Variants in KLHDC7A observed in about 807,000 individuals in gnomAD.
KLHDC7A encodes kelch domain-containing protein 7A.
For synonymous variants in KLHDC7A, 464 were observed against 461.0 expected, an observed-to-expected ratio of 1.01 and a Z score of -0.08; for missense variants, 1,123 against 1,052.6, an observed-to-expected ratio of 1.07 and a Z score of -0.93.
rs1479916360 is a variant in KLHDC7A at position 18,485,502 on chromosome 1, T to A, written c.*2187T>A. On this transcript the variant is annotated 3_prime_UTR_variant, in exon 1 of 1. Coordinates refer to ENST00000400664, the MANE Select transcript of KLHDC7A (RefSeq NM_152375.3). ...CAGTCCATCTGATCCACCTCTCTTA[T>A]GGTTCCATTGGCAAAATCATTCATC... The A allele has an allele frequency of 3.1e-5, 5 of 163,828 alleles. No homozygotes were observed. Among genetic ancestry groups the A allele is most frequent in the African/African-American group, 1.2e-4 (5 of 40,546 alleles). 10.1% of individuals were successfully genotyped at this position (163,828 alleles called of 1,614,324 possible).
rs1325393366 is a variant in KLHDC7A at position 18,483,774 on chromosome 1, C to G, written c.*459C>G. ...CCTAAACATCAGCCACTGGGCCCCA[C>G]CTCCACAGTTCCCAGAAGCACCGGG... On this transcript the variant is annotated 3_prime_UTR_variant, in exon 1 of 1. Coordinates refer to ENST00000400664, the MANE Select transcript of KLHDC7A (RefSeq NM_152375.3). 1 of 1,205,870 alleles carries G rather than the reference C, an allele frequency of 8.3e-7. No homozygotes were observed. Among genetic ancestry groups the G allele is most frequent in the Non-Finnish European group, 1.1e-6 (1 of 944,682 alleles). The allele number at this position is 1,205,870 out of a possible 1,614,324, so 74.7% of individuals were successfully genotyped here. A position where few individuals can be genotyped will look rare whatever the true frequency, so the allele number is the denominator to read the frequency against.
At position 18,482,056 on chromosome 1, in the gene KLHDC7A, GGCT is replaced by G. The variant is rs763397196; in HGVS notation, c.1076_1078del (p.Gly359_Phe360delinsVal). The G allele has an allele frequency of 3.7e-6, 6 of 1,612,616 alleles. No individual in the cohort carries two copies. Among genetic ancestry groups the G allele is most frequent in the Non-Finnish European group, 8.5e-7 (1 of 1,179,850 alleles). Reference sequence around the variant, plus strand: ...GACAGGGCCGTGGCCCTCCACCCGAGGCTTCAGCCGGAAGGAGAGCCTTCTGCA... The same window carrying G: ...GACAGGGCCGTGGCCCTCCACCCGAGTCAGCCGGAAGGAGAGCCTTCTGCA... On this transcript the variant is annotated inframe_deletion, in exon 1 of 1. Transcript: ENST00000400664.
At position 18,482,915 on chromosome 1, in the gene KLHDC7A, T is replaced by C; in HGVS notation, c.1934T>C (p.Phe645Ser). ...EIFVTGGSLR[F>S]LLFRFSAQEQ... ...TTCGTCACCGGCGGCTCGCTGCGCT[T>C]CCTGCTGTTCCGCTTCTCTGCGCAG... is the stretch of plus-strand genomic sequence containing the variant. Residue 645 changes from phenylalanine (F) to serine (S), a missense_variant, in exon 1 of 1, where the codon TTC (phenylalanine) becomes TCC (serine). By Grantham distance (155) the Phe-to-Ser change is radical (BLOSUM62 -2). Coordinates refer to ENST00000400664, the MANE Select transcript of KLHDC7A (RefSeq NM_152375.3). The C allele has an allele frequency of 6.2e-7, 1 of 1,610,710 alleles. No individual in the cohort carries two copies. The highest frequency in any genetic ancestry group is 8.5e-7 in the Non-Finnish European group (1 of 1,179,364).
Position 18,481,237 on chromosome 1 carries a change from A to C in KLHDC7A, c.256A>C (p.Ser86Arg). Reference protein sequence around the residue: ...LLRGPRRRRSSKRAEAPQGCS... With the variant: ...LLRGPRRRRSRKRAEAPQGCS... Reference sequence around the variant, plus strand: ...GAGGGGGCCAAGACGTCGGAGGAGCAGCAAGCGGGCTGAAGCACCACAGGG... The same window carrying C: ...GAGGGGGCCAAGACGTCGGAGGAGCCGCAAGCGGGCTGAAGCACCACAGGG... Residue 86 changes from serine (S) to arginine (R), a missense_variant, in exon 1 of 1, where the codon AGC (serine) becomes CGC (arginine). Ser to Arg is a moderately radical substitution (Grantham distance 110). Coordinates refer to ENST00000400664, the MANE Select transcript of KLHDC7A (RefSeq NM_152375.3). The C allele has an allele frequency of 1.3e-6, 2 of 1,585,730 alleles. No individual in the cohort carries two copies. Among genetic ancestry groups the C allele is most frequent in the Non-Finnish European group, 1.7e-6 (2 of 1,165,652 alleles).
In KLHDC7A at chr1:18,482,010, C is replaced by G; in HGVS notation, c.1029C>G (p.Ala343=). 6.2e-7 allele frequency: 1 copy of G among 1,612,824 alleles called. No individual in the cohort carries two copies. Among genetic ancestry groups the G allele is most frequent in the Non-Finnish European group, 8.5e-7 (1 of 1,179,940 alleles). The change falls in exon 1 of 1, where the codon GCC becomes GCG. Residue 343 remains alanine, a synonymous_variant. Coordinates refer to ENST00000400664, the MANE Select transcript of KLHDC7A (RefSeq NM_152375.3). ...AAGCCGGTGACACAAAGGGTGCAGC[C>G]GAAAGAGCCGCCTCCCCGCAGACAG... ...GGQAGDTKGA[A]ERAASPQTGP... is the part of the protein sequence containing the mutation.
rs1490435844 is a variant in KLHDC7A at position 18,481,782 on chromosome 1, C to T, written c.801C>T (p.Arg267=). Residue 267 remains arginine, a synonymous_variant, in exon 1 of 1, where the codon CGC becomes CGT. Transcript: ENST00000400664. ...NSSYTFSSIA[R]VRMEEHFIQK... ...CCTATACCTTCTCATCCATAGCCCG[C>T]GTCCGAATGGAGGAGCATTTCATAC... The T allele has an allele frequency of 1.2e-6, 2 of 1,613,992 alleles. No homozygotes were observed. Among genetic ancestry groups the T allele is most frequent in the South Asian group, 2.2e-5 (2 of 91,090 alleles).
chr1:18,482,827 C>T lies in KLHDC7A; in HGVS notation c.1846C>T (p.Pro616Ser). 6.2e-7 allele frequency: 1 copy of T among 1,610,828 alleles called. No individual in the cohort carries two copies. Among genetic ancestry groups the T allele is most frequent in the Non-Finnish European group, 8.5e-7 (1 of 1,179,034 alleles). The change falls in exon 1 of 1, where the codon CCG (proline) becomes TCG (serine). Residue 616 changes from proline to serine, a missense_variant. Pro to Ser is a moderately conservative substitution (Grantham distance 74). Transcript: ENST00000400664. Reference sequence around the variant, plus strand: ...CCGCCTGGACCGCTGGGACTTTGCCCCGCCGCTCCCCAGTGACACGTTCGC... The same window carrying T: ...CCGCCTGGACCGCTGGGACTTTGCCTCGCCGCTCCCCAGTGACACGTTCGC... ...DPRLDRWDFA[P>S]PLPSDTFALA... is the part of the protein sequence containing the mutation.
rs1281026974 is a variant in KLHDC7A, at chr1:18,482,714, C to T, written c.1733C>T (p.Ala578Val). The T allele has an allele frequency of 6.2e-7, 1 of 1,610,014 alleles. No individual in the cohort carries two copies. Among genetic ancestry groups the T allele is most frequent in the South Asian group, 1.1e-5 (1 of 90,812 alleles). The stretch of plus-strand genomic sequence containing the variant: ...AGCGAGGTGTGCCCGCTGAACCAGG[C>T]CCGGCCGCACTGCCGGCTGGTGGCC... Reference protein sequence around the residue: ...IWSEVCPLNQARPHCRLVALD... With the variant: ...IWSEVCPLNQVRPHCRLVALD... The change falls in exon 1 of 1, where the codon GCC (alanine) becomes GTC (valine). Residue 578 changes from alanine (A) to valine (V), a missense_variant. Ala to Val is a moderately conservative substitution (Grantham distance 64, BLOSUM62 0). Transcript: ENST00000400664.
rs570261948 is a variant in KLHDC7A, at chr1:18,482,025, C to A, written c.1044C>A (p.Ser348=). The change falls in exon 1 of 1, where the codon TCC becomes TCA. Residue 348 remains serine, a synonymous_variant. Transcript: ENST00000400664. The part of the protein sequence containing the change: ...DTKGAAERAA[S]PQTGPWPSTR... ...AGGGTGCAGCCGAAAGAGCCGCCTC[C>A]CCGCAGACAGGGCCGTGGCCCTCCA... 3.7e-6 allele frequency: 6 copies of A among 1,612,756 alleles called. No homozygotes were observed. The African/African-American group carries it at 8.0e-5, about 21-fold the overall frequency.
Position 18,483,311 on chromosome 1 carries a change from T to C in KLHDC7A, c.2330T>C (p.Val777Ala). The change falls in exon 1 of 1, where the codon GTC becomes GCC. Residue 777 changes from valine to alanine, a missense_variant. Val to Ala is a moderately conservative substitution (Grantham distance 64, BLOSUM62 0). Coordinates refer to ENST00000400664, the MANE Select transcript of KLHDC7A (RefSeq NM_152375.3). Reference sequence around the variant, plus strand: ...ACCCCCGATTTGCCTCAGACCAGGGTCTAGCAGTCCCTCAACTGAGCTCCT... The same window carrying C: ...ACCCCCGATTTGCCTCAGACCAGGGCCTAGCAGTCCCTCAACTGAGCTCCT... ...LPTPDLPQTR[V>A] is the part of the protein sequence containing the mutation. The C allele has an allele frequency of 6.2e-7, 1 of 1,611,222 alleles. No individual in the cohort carries two copies. The highest frequency in any genetic ancestry group is 1.7e-4 in the Middle Eastern group (1 of 6,048).
At position 18,481,620 on chromosome 1, in the gene KLHDC7A, G is replaced by A; in HGVS notation, c.639G>A (p.Leu213=). ...CCCACTGTCACTACGTGGCTCCCTT[G>A]CAAGGCAGCAGTGACATGAACCAGA... ...EPPHCHYVAP[L]QGSSDMNQSW... The change falls in exon 1 of 1, where the codon TTG becomes TTA. Residue 213 remains leucine, a synonymous_variant. Coordinates refer to ENST00000400664, the MANE Select transcript of KLHDC7A (RefSeq NM_152375.3). 3.1e-6 allele frequency: 5 copies of A among 1,614,010 alleles called. No homozygotes were observed. The highest frequency in any genetic ancestry group is 4.2e-6 in the Non-Finnish European group (5 of 1,180,026).
chr1:18,481,740 GGGCGCCCCCAACTCC>G lies in KLHDC7A; in HGVS notation c.760_774del (p.Gly254_Ser258del), dbSNP rs1557444727. On this transcript the variant is annotated inframe_deletion, in exon 1 of 1. Coordinates refer to ENST00000400664, the MANE Select transcript of KLHDC7A (RefSeq NM_152375.3). ...TTGACCTGACCCTGCATCAGCAGGA[GGGCGCCCCCAACTCC>G]TCCTATACCTTCTCATCCATAGCCC... 6.2e-7 allele frequency: 1 copy of G among 1,614,062 alleles called. No individual in the cohort carries two copies. Among genetic ancestry groups the G allele is most frequent in the Admixed American group, 1.7e-5 (1 of 60,024 alleles).
At position 18,482,728 on chromosome 1, in the gene KLHDC7A, C is replaced by T. The variant is rs2086905363; in HGVS notation, c.1747C>T (p.Arg583Trp). Residue 583 changes from arginine (R) to tryptophan (W), a missense_variant, in exon 1 of 1, where the codon CGG becomes TGG. Arg to Trp is a moderately radical substitution (Grantham distance 101). Transcript: ENST00000400664. ...GCTGAACCAGGCCCGGCCGCACTGCCGGCTGGTGGCCCTGGACGGGCACCT... is the reference window on the plus strand; with the variant it reads ...GCTGAACCAGGCCCGGCCGCACTGCTGGCTGGTGGCCCTGGACGGGCACCT... ...CPLNQARPHCRLVALDGHLYA... is the reference protein window; with the variant it reads ...CPLNQARPHCWLVALDGHLYA... 3.1e-6 allele frequency: 5 copies of T among 1,610,308 alleles called. No individual in the cohort carries two copies. Among genetic ancestry groups the T allele is most frequent in the Non-Finnish European group, 4.2e-6 (5 of 1,179,230 alleles).
Position 18,481,568 on chromosome 1 carries a change from A to G in KLHDC7A, c.587A>G (p.His196Arg). 1 of 1,613,610 alleles carries G rather than the reference A, an allele frequency of 6.2e-7. No individual in the cohort carries two copies. The highest frequency in any genetic ancestry group is 1.1e-5 in the South Asian group (1 of 91,078). Residue 196 changes from histidine to arginine, a missense_variant, in exon 1 of 1, where the codon CAT (histidine) becomes CGT (arginine). His to Arg is a conservative substitution (Grantham distance 29). Transcript: ENST00000400664. ...SPWQDSKPRE[H>R]PGLGQLEPPH... The stretch of plus-strand genomic sequence containing the variant: ...TGGCAGGACAGTAAACCCCGTGAGC[A>G]TCCAGGACTGGGGCAACTAGAACCT...
rs1382559320 is a variant in KLHDC7A, at chr1:18,481,990, G to T, written c.1009G>T (p.Gly337Cys). Residue 337 changes from glycine (G) to cysteine (C), a missense_variant, in exon 1 of 1, where the codon GGT becomes TGT. Coordinates refer to ENST00000400664, the MANE Select transcript of KLHDC7A (RefSeq NM_152375.3). ...AGGGGCTGCCTCGGGAGGCCAAGCCGGTGACACAAAGGGTGCAGCCGAAAG... is the reference window on the plus strand; with the variant it reads ...AGGGGCTGCCTCGGGAGGCCAAGCCTGTGACACAAAGGGTGCAGCCGAAAG... ...GTGAASGGQAGDTKGAAERAA... is the reference protein window; with the variant it reads ...GTGAASGGQACDTKGAAERAA... 1.2e-6 allele frequency: 2 copies of T among 1,612,948 alleles called. No individual in the cohort carries two copies. The highest frequency in any genetic ancestry group is 2.2e-5 in the South Asian group (2 of 91,074).
chr1:18,481,859 A>G lies in KLHDC7A; in HGVS notation c.878A>G (p.Tyr293Cys), dbSNP rs761020525. The change falls in exon 1 of 1, where the codon TAT becomes TGT. Residue 293 changes from tyrosine to cysteine, a missense_variant. By Grantham distance (194) the Tyr-to-Cys change is radical. Transcript: ENST00000400664. ...CTCAAGGGCAAGGTGTACGACTACT[A>G]TGTGGAATCTACCTCTCAGGCCATC... ...PRLKGKVYDYYVESTSQAIFQ... is the reference protein window; with the variant it reads ...PRLKGKVYDYCVESTSQAIFQ... 7 of 1,613,936 alleles carry G rather than the reference A, an allele frequency of 4.3e-6. No homozygotes were observed. Among genetic ancestry groups the G allele is most frequent in the Non-Finnish European group, 5.9e-6 (7 of 1,179,948 alleles).
chr1:18,482,968 G>A lies in KLHDC7A; in HGVS notation c.1987G>A (p.Gly663Arg), dbSNP rs202037108. The change falls in exon 1 of 1, where the codon GGG (glycine) becomes AGG (arginine). Residue 663 changes from glycine to arginine, a missense_variant. Transcript: ENST00000400664. ...QEQRWWAGPTGGSKDRTAEMV... is the reference protein window; with the variant it reads ...QEQRWWAGPTRGSKDRTAEMV... ...GCAGCGCTGGTGGGCCGGCCCCACC[G>A]GGGGCAGCAAGGACCGCACGGCCGA... 6.2e-7 allele frequency: 1 copy of A among 1,612,526 alleles called. No individual in the cohort carries two copies. Among genetic ancestry groups the A allele is most frequent in the South Asian group, 1.1e-5 (1 of 91,042 alleles).
rs957242951 is a variant in KLHDC7A, at chr1:18,480,978, A to G, written c.-4A>G. 1 of 1,564,930 alleles carries G rather than the reference A, an allele frequency of 6.4e-7. No homozygotes were observed. The highest frequency in any genetic ancestry group is 8.7e-7 in the Non-Finnish European group (1 of 1,152,954). ...TTCCTCAGCCCCAGGTTGGCTGGAG[A>G]AGCATGTTCCCCAGAGGAGCAGAGG... On this transcript the variant is annotated 5_prime_UTR_variant, in exon 1 of 1. Transcript: ENST00000400664.
rs2086906966 is a variant in KLHDC7A at position 18,482,873 on chromosome 1, T to C, written c.1892T>C (p.Val631Ala). 6.2e-7 allele frequency: 1 copy of C among 1,611,798 alleles called. No homozygotes were observed. Among genetic ancestry groups the C allele is most frequent in the Non-Finnish European group, 8.5e-7 (1 of 1,179,708 alleles). ...DTFALAHTATVRAKEIFVTGG... is the reference protein window; with the variant it reads ...DTFALAHTATARAKEIFVTGG... ...TTCGCCCTGGCGCACACGGCCACGG[T>C]GCGTGCCAAGGAAATCTTCGTCACC... The change falls in exon 1 of 1, where the codon GTG becomes GCG. Residue 631 changes from valine to alanine, a missense_variant. Val to Ala is a moderately conservative substitution (Grantham distance 64, BLOSUM62 0). Transcript: ENST00000400664.
Sources: allele counts gnomAD v4.1 joint callset, GRCh38; gene constraint gnomAD v4.1.1; transcripts MANE v1.5; gene names NCBI Gene and HGNC (gene_info 2026-07-23, HGNC 2026-07-21).